The following SLC9A9 variants were observed in gnomAD, a reference collection of about 807,000 sequenced individuals.
The protein encoded by SLC9A9 is solute carrier family 9 member A9, also known as sodium/hydrogen exchanger 9.
A neutral mutation model predicts 77.8 loss-of-function variants in SLC9A9; 62 were observed. That is an observed-to-expected ratio of 0.80 (90% CI 0.65 to 0.98). The LOEUF is 0.98. SLC9A9 is among the 50% of genes least tolerant of loss of function. The probability of loss-of-function intolerance (pLI) is 0.00; values close to 1 mark genes in which losing one functional copy is unlikely to be tolerated. For missense variants in SLC9A9, 775 were observed against 774.9 expected, an observed-to-expected ratio of 1.00 and a Z score of 0.00; for synonymous variants, 320 against 283.5, an observed-to-expected ratio of 1.13 and a Z score of -1.29.
intron 6 of SLC9A9, among the ~76,000 whole-genome samples, chr3:143,608,354 G>A (rs900912219): frequency 3.3e-5 from 5 of 152,166 alleles, no homozygotes; most frequent in African/African-American, 1.2e-4. Flanking sequence ...TTCCCAAAAA[G>A]AAAGATAAAA....
At chr3:143,654,481 G>A (rs916823953) in intron 5 of SLC9A9, among the ~76,000 whole-genome samples, 1 of 152,126 alleles carries the variant, frequency 6.6e-6, no homozygotes, top group Non-Finnish European at 1.5e-5. Flanking sequence ...ACTTTTAGAC[G>A]TTGCAGTTGG....
intron 5 of SLC9A9, among the ~76,000 whole-genome samples, chr3:143,689,088 C>A (rs1000962258): frequency 1.3e-5 from 2 of 151,842 alleles, no homozygotes; most frequent in African/African-American, 2.4e-5. Context: ...TATGGATAAA[C>A]CCCCCAAGTT....
intron 12 of SLC9A9, among the ~76,000 whole-genome samples, chr3:143,464,048 GA>G (rs1052013941): frequency 6.6e-5 from 10 of 152,150 alleles, no homozygotes; most frequent in African/African-American, 1.9e-4. Flanking sequence ...TAATTTCAGA[GA>G]AAAAAATATA....
intron 12 of SLC9A9, among the ~76,000 whole-genome samples, chr3:143,443,535 T>A (rs1414452108): frequency 1.3e-5 from 2 of 152,178 alleles, no homozygotes; most frequent in East Asian, 3.9e-4. Context: ...AGGTAAGGGA[T>A]CATAGTAGTC....
intron 8 of SLC9A9, among the ~76,000 whole-genome samples, chr3:143,560,839 T>C (rs2037072348): frequency 6.6e-6 from 1 of 152,188 alleles, no homozygotes; most frequent in Non-Finnish European, 1.5e-5. Context: ...AAGCATAGGC[T>C]AAATAAATGT....
chr3:143,739,294 G>C (rs767377233), intron 4 of SLC9A9, among the ~76,000 whole-genome samples: 1 of 152,062 alleles, frequency 6.6e-6, no homozygotes, highest in Non-Finnish European at 1.5e-5. Flanking sequence ...CTTCTATCAC[G>C]CAGAAAATGC....
At chr3:143,335,067 A>G (rs1182515078) in intron 14 of SLC9A9, among the ~76,000 whole-genome samples, 1 of 152,150 alleles carries the variant, frequency 6.6e-6, no homozygotes, top group Non-Finnish European at 1.5e-5. Flanking sequence ...TCCACAAAAA[A>G]TCTGTTAGAG....
At chr3:143,360,931 A>G (rs34043464) in intron 14 of SLC9A9, among the ~76,000 whole-genome samples, 3,415 of 152,326 alleles carry the variant, frequency 0.022, 150 homozygotes, top group African/African-American at 0.078. Flanking sequence ...AAAGGAGTTT[A>G]TCCTCAATAC....
intron 14 of SLC9A9, among the ~76,000 whole-genome samples, chr3:143,338,583 A>G (rs2031996206): frequency 6.6e-6 from 1 of 152,232 alleles, no homozygotes; most frequent in South Asian, 2.1e-4. Context: ...TTCTTTAAAA[A>G]TAATGCTACA....
intron 6 of SLC9A9, among the ~76,000 whole-genome samples, chr3:143,642,717 A>G (rs1472291723): frequency 6.6e-6 from 1 of 152,170 alleles, no homozygotes; most frequent in Admixed American, 6.5e-5. Context: ...GCTATCCTCC[A>G]TATCTCTTAA....
At chr3:143,837,854 A>T (rs2009608548) in intron 1 of SLC9A9, among the ~76,000 whole-genome samples, 1 of 152,184 alleles carries the variant, frequency 6.6e-6, no homozygotes, top group Admixed American at 6.5e-5. Context: ...CTTTTCCAGC[A>T]TATTAATGGG....
At chr3:143,817,147 T>TTA (rs1487609387) in intron 2 of SLC9A9, among the ~76,000 whole-genome samples, 1 of 13,938 alleles carries the variant, frequency 7.2e-5, no homozygotes, top group African/African-American at 7.7e-5. Context: ...TTTTTTTTAT[T>TTA]TTTTTTTTTT....
At chr3:143,506,586 T>C (rs2036022588) in intron 9 of SLC9A9, among the ~76,000 whole-genome samples, 1 of 152,188 alleles carries the variant, frequency 6.6e-6, no homozygotes. Flanking sequence ...CCACTTTTCA[T>C]TCAACAGTCT....
intron 8 of SLC9A9, 136 bp downstream of exon 8, chr3:143,573,952 G>T: frequency 1.3e-6 from 1 of 748,376 alleles, no homozygotes; most frequent in Non-Finnish European, 2.4e-6. Context: ...AAGAGAGGCT[G>T]ATTCTGACCC....
chr3:143,356,171 C>T (rs1034058820), intron 14 of SLC9A9, among the ~76,000 whole-genome samples: 5 of 152,098 alleles, frequency 3.3e-5, no homozygotes, highest in Admixed American at 6.5e-5. Flanking sequence ...TGTCAGGTCT[C>T]CAGAAGAGTT....
chr3:143,571,783 T>G (rs944080390), intron 8 of SLC9A9, among the ~76,000 whole-genome samples: 1 of 152,142 alleles, frequency 6.6e-6, no homozygotes, highest in African/African-American at 2.4e-5. Flanking sequence ...AGCACTTGAG[T>G]GTTTACCCTC....
At chr3:143,520,031 G>A (rs79725715) in intron 9 of SLC9A9, among the ~76,000 whole-genome samples, 1 of 152,276 alleles carries the variant, frequency 6.6e-6, no homozygotes, top group Non-Finnish European at 1.5e-5. Context: ...ACTCCAGGCT[G>A]GAGATGTATA....
At chr3:143,417,678 C>T (rs943684202) in intron 12 of SLC9A9, among the ~76,000 whole-genome samples, 1 of 151,920 alleles carries the variant, frequency 6.6e-6, no homozygotes, top group Admixed American at 6.6e-5. Context: ...GGAGGAGAGC[C>T]CACACCAGGA....
At chr3:143,475,831 T>C (rs1382223922) in intron 11 of SLC9A9, among the ~76,000 whole-genome samples, 2 of 140,902 alleles carry the variant, frequency 1.4e-5, no homozygotes, top group African/African-American at 2.5e-5. Flanking sequence ...CAAAAGAAAA[T>C]GAGCAGTAGA....
Sources: allele counts gnomAD v4.1 joint callset (sites outside exome capture counted in the v4.1 genomes callset), GRCh38; gene constraint gnomAD v4.1.1; transcripts MANE v1.5; gene names NCBI Gene and HGNC (gene_info 2026-07-23, HGNC 2026-07-21).